DNMT3A: variants seen among roughly 807,000 people sequenced by gnomAD.
The protein encoded by DNMT3A is DNA methyltransferase 3 alpha, also known as DNA (cytosine-5)-methyltransferase 3A.
In DNMT3A, 267 loss-of-function variants were observed where a neutral mutation model predicts 117.6. The observed-to-expected ratio is 2.27, with a 90% CI of 2.05 to 2.51. The LOEUF is 2.51. Among genes scored for constraint, DNMT3A ranks in the 30% most tolerant of loss-of-function variants. The probability of loss-of-function intolerance (pLI) is 0.00; values close to 1 mark genes in which losing one functional copy is unlikely to be tolerated. For synonymous variants in DNMT3A, 432 were observed against 474.8 expected (o/e 0.91, Z 1.17); for missense variants, 1,029 against 1,260.2 (o/e 0.82, Z 2.78).
chr2:25,341,178 TC>T (rs1490592530), intron 1 of DNMT3A, among the ~76,000 whole-genome samples: 1 of 140,566 alleles, frequency 7.1e-6, no homozygotes, highest in East Asian at 2.2e-4. Context: ...GCCTCCCGGG[TC>T]CCCCGCCCCG....
chr2:25,297,101 C>T (rs1224287959), intron 3 of DNMT3A, among the ~76,000 whole-genome samples: 1 of 152,154 alleles, frequency 6.6e-6, no homozygotes, highest in African/African-American at 2.4e-5. Context: ...GGGGAAGAGG[C>T]CAGGACCAGC....
chr2:25,342,209 G>A (rs2035491482), upstream of DNMT3A, among the ~76,000 whole-genome samples: 2 of 145,894 alleles, frequency 1.4e-5, no homozygotes, highest in South Asian at 4.2e-4. This position sits in a 1 kb window ranked among gnomAD's most constrained non-coding sequence, Gnocchi z 5.9. Context: ...GCCTGGGCGC[G>A]CGGCCGGTCC....
chr2:25,333,681 G>T (rs2035099422), intron 1 of DNMT3A, among the ~76,000 whole-genome samples: 1 of 152,190 alleles, frequency 6.6e-6, no homozygotes, highest in African/African-American at 2.4e-5. Context: ...GCAGGGCTTT[G>T]TGGGGGTCAC....
At chr2:25,261,060 G>A (rs1233773313) in intron 6 of DNMT3A, among the ~76,000 whole-genome samples, 1 of 152,100 alleles carries the variant, frequency 6.6e-6, no homozygotes, top group Non-Finnish European at 1.5e-5. Context: ...TTGGGAGGCC[G>A]AGGTGGGCAG....
intron 2 of DNMT3A, among the ~76,000 whole-genome samples, chr2:25,303,672 C>T (rs936302662): frequency 2.0e-5 from 3 of 152,244 alleles, no homozygotes; most frequent in Non-Finnish European, 4.4e-5. Flanking sequence ...CAACTCCTGG[C>T]CCTTCCCCTT....
At chr2:25,300,753 A>ATG (rs2033456730) in intron 2 of DNMT3A, among the ~76,000 whole-genome samples, 12 of 62,378 alleles carry the variant, frequency 1.9e-4, no homozygotes, top group African/African-American at 8.7e-4. Context: ...ATATATATAT[A>ATG]TATATATATA....
chr2:25,330,079 C>A (rs2034958529), intron 1 of DNMT3A, among the ~76,000 whole-genome samples: 2 of 152,254 alleles, frequency 1.3e-5, no homozygotes, highest in African/African-American at 4.8e-5. Context: ...AGAAAAACCA[C>A]ATAAACTTGG....
intron 6 of DNMT3A, among the ~76,000 whole-genome samples, chr2:25,256,910 C>T (rs1444798004): frequency 6.6e-6 from 1 of 152,198 alleles, no homozygotes; most frequent in African/African-American, 2.4e-5. Flanking sequence ...TGGGCTAGAG[C>T]ATCTTGCCCA....
rs1274915027 is a variant in DNMT3A, at chr2:25,300,707, AATATAATATATATATATAT to A, written c.73-483_73-465del. 3.8e-4 allele frequency among the ~76,000 whole-genome samples: 22 copies of A among 57,860 alleles called. 2 individuals are homozygous for A. The highest frequency in any genetic ancestry group is 1.3e-3 in the African/African-American group (19 of 14,498). 38.0% of individuals were successfully genotyped at this position (57,860 alleles called of 152,430 possible). A position where few individuals can be genotyped will look rare whatever the true frequency, so the allele number is the denominator to read the frequency against. On this transcript the variant is annotated intron_variant, in intron 2 of 22. Transcript: ENST00000321117. ...TAGATATATATTTATATATCTAAAT[AATATAATATATATATATAT>A]ATATATATATATATATATATATATA...
chr2:25,281,662 T>C lies in DNMT3A; in HGVS notation c.448+779A>G. The C allele has an allele frequency of 9.4e-7, 1 of 1,065,446 alleles. No homozygotes were observed. The highest frequency in any genetic ancestry group is 1.1e-6 in the Non-Finnish European group (1 of 879,316). The allele number at this position is 1,065,446 out of a possible 1,614,324, so 66.0% of individuals were successfully genotyped here. ...ATGTGATAATGTATGAGAAAGCGCT[T>C]TGTAAACTGTGAAGCCCTGTACAAA... On this transcript the variant is annotated intron_variant, in intron 4 of 22. Coordinates refer to ENST00000321117, the MANE Select transcript of DNMT3A (RefSeq NM_022552.5). The surrounding 1 kb of genome is among the most constrained non-coding windows in gnomAD (Gnocchi z 4.8).
chr2:25,244,566 G>T lies in DNMT3A; in HGVS notation c.1641C>A (p.Leu547=). 6.2e-7 allele frequency: 1 copy of T among 1,614,190 alleles called. No homozygotes were observed. Residue 547 remains leucine (L), a synonymous_variant, in exon 14 of 23, where the codon CTC becomes CTA. Transcript: ENST00000321117. ...TGCAGCAGTTGTTGTTTCCGCACAT[G>T]AGCACCTCACGGCCCCCACAGCAGA... ...CTICCGGREV[L]MCGNNNCCRC... is the part of the protein sequence containing the mutation.
rs748636848 is a variant in DNMT3A at position 25,237,053 on chromosome 2, G to A, written c.2409-48C>T. The A allele has an allele frequency of 2.0e-5, 32 of 1,596,652 alleles. No homozygotes were observed. Among genetic ancestry groups the A allele is most frequent in the Middle Eastern group, 3.3e-4 (2 of 6,024 alleles). On this transcript the variant is annotated intron_variant, in intron 20 of 22. Transcript: ENST00000321117. The surrounding 1 kb of genome is among the most constrained non-coding windows in gnomAD (Gnocchi z 5.4). Reference sequence around the variant, plus strand: ...TAACAACAGAAACCTGGATAACAGCGGGAAGGGCCCCAGCTGCACGACTCC... The same window carrying A: ...TAACAACAGAAACCTGGATAACAGCAGGAAGGGCCCCAGCTGCACGACTCC...
At position 25,240,677 on chromosome 2, in the gene DNMT3A, G is replaced by A. The variant is rs1015277332; in HGVS notation, c.2136C>T (p.Asp712=). The change falls in exon 18 of 23, where the codon GAC becomes GAT. Residue 712 remains aspartate, a synonymous_variant. Transcript: ENST00000321117. Reference sequence around the variant, plus strand: ...TGCGAGCAGGGTTGACGATGGAGAGGTCATTGCAGGGACTGCCCCCAATCA... The same window carrying A: ...TGCGAGCAGGGTTGACGATGGAGAGATCATTGCAGGGACTGCCCCCAATCA... The part of the protein sequence containing the change: ...DLVIGGSPCN[D]LSIVNPARKG... The A allele has an allele frequency of 3.7e-6, 6 of 1,614,128 alleles. No individual in the cohort carries two copies. The African/African-American group carries it at 8.0e-5, about 22-fold the overall frequency.
intron 3 of DNMT3A, 57 bp downstream of exon 3, chr2:25,300,082 C>T (rs1558721448): frequency 6.4e-7 from 1 of 1,566,548 alleles, no homozygotes; most frequent in East Asian, 2.3e-5. Context: ...CATCGACAGG[C>T]CAGGCACGTG....
In DNMT3A at chr2:25,259,817, C is replaced by T. The variant is rs1056757064; in HGVS notation, c.640-11565G>A. Among the ~76,000 whole-genome samples, 5 of 152,152 alleles carry T rather than the reference C, an allele frequency of 3.3e-5. No individual in the cohort carries two copies. In the East Asian group the frequency reaches 7.7e-4, roughly 23 times the overall value. ...TGCAGACCCTCTCAAGTTTCAGGGT[C>T]CAAAGAGAAGACTCCAGAGGAGCCC... On this transcript the variant is annotated intron_variant, in intron 6 of 22. Transcript: ENST00000321117.
At chr2:25,259,347 A>G (rs779134658) in intron 6 of DNMT3A, among the ~76,000 whole-genome samples, 1 of 152,154 alleles carries the variant, frequency 6.6e-6, no homozygotes, top group Non-Finnish European at 1.5e-5. Flanking sequence ...ACCGGATCTC[A>G]GGTGCCCCTT....
At chr2:25,265,635 T>C (rs2149351748) in intron 6 of DNMT3A, among the ~76,000 whole-genome samples, 1 of 152,096 alleles carries the variant, frequency 6.6e-6, no homozygotes, top group South Asian at 2.1e-4. Context: ...CTGGCCAACA[T>C]GGTGAAACCC....
At chr2:25,326,786 C>T (rs964020578) in intron 1 of DNMT3A, among the ~76,000 whole-genome samples, 2 of 152,200 alleles carry the variant, frequency 1.3e-5, no homozygotes, top group Non-Finnish European at 2.9e-5. Flanking sequence ...CCAGCTCCTG[C>T]AGGAGTGCCA....
At chr2:25,283,147 G>A (rs1483241756) in intron 3 of DNMT3A, among the ~76,000 whole-genome samples, 1 of 152,138 alleles carries the variant, frequency 6.6e-6, no homozygotes, top group Admixed American at 6.5e-5. Context: ...TGAATCACTT[G>A]AGGTCGGGAG....
Sources: allele counts gnomAD v4.1 joint callset (sites outside exome capture counted in the v4.1 genomes callset), GRCh38; gene constraint gnomAD v4.1.1; non-coding constraint Gnocchi (gnomAD v3.1); transcripts MANE v1.5; gene names NCBI Gene and HGNC (gene_info 2026-07-23, HGNC 2026-07-21).